The following TRPS1 variants were observed in gnomAD, a reference collection of about 807,000 sequenced individuals.
TRPS1 encodes the protein zinc finger transcription factor Trps1.
TRPS1 carries 6 observed loss-of-function variants against 101.2 expected under a neutral mutation model. The observed-to-expected ratio is 0.06, with a 90% confidence interval of 0.03 to 0.12. The LOEUF (loss-of-function observed/expected upper bound fraction) is 0.12, where lower values mean the gene tolerates loss of function less well. TRPS1 is among the 10% of genes least tolerant of loss of function. TRPS1 has a pLI of 1.00. For missense variants in TRPS1, 1,363 were observed against 1,567.0 expected, an observed-to-expected ratio of 0.87 and a Z score of 2.20; for synonymous variants, 578 against 589.8, an observed-to-expected ratio of 0.98 and a Z score of 0.29.
At chr8:115,646,812 TA>T (rs1819035029) in intron 1 of TRPS1, among the ~76,000 whole-genome samples, 1 of 152,156 alleles carries the variant, frequency 6.6e-6, no homozygotes, top group Admixed American at 6.5e-5. Context: ...CATATTACTT[TA>T]AAAAGAGTTG....
chr8:115,428,932 A>T (rs1421818725), intron 5 of TRPS1, among the ~76,000 whole-genome samples: 1 of 152,222 alleles, frequency 6.6e-6, no homozygotes, highest in Admixed American at 6.5e-5. Context: ...TTGTCTTTAA[A>T]TAAGAGCTCT....
intron 5 of TRPS1, among the ~76,000 whole-genome samples, chr8:115,494,509 G>T (rs1231566565): frequency 1.3e-5 from 2 of 152,162 alleles, no homozygotes; most frequent in Admixed American, 6.5e-5. Flanking sequence ...CTAAGAGAAA[G>T]AATATTTAAA....
chr8:115,449,130 G>A (rs1405305171), intron 5 of TRPS1, among the ~76,000 whole-genome samples: 1 of 152,070 alleles, frequency 6.6e-6, no homozygotes, highest in African/African-American at 2.4e-5. Context: ...ATTACAATAT[G>A]ACTAATTTCC....
intron 5 of TRPS1, among the ~76,000 whole-genome samples, chr8:115,581,910 A>C (rs563039938): frequency 1.1e-4 from 17 of 152,286 alleles, no homozygotes; most frequent in Non-Finnish European, 1.5e-4. Flanking sequence ...AAGCAGAGAC[A>C]TGTACAAGGA....
At chr8:115,590,646 C>T (rs1167298883) in intron 4 of TRPS1, among the ~76,000 whole-genome samples, 3 of 152,150 alleles carry the variant, frequency 2.0e-5, no homozygotes, top group Non-Finnish European at 4.4e-5. Context: ...CACATGTAAG[C>T]GTGTAGACTC....
chr8:115,558,834 C>G (rs1816884350), intron 5 of TRPS1, among the ~76,000 whole-genome samples: 1 of 152,010 alleles, frequency 6.6e-6, no homozygotes, highest in Non-Finnish European at 1.5e-5. Context: ...ACTGCTATAA[C>G]TAGAAATGAT....
intron 5 of TRPS1, among the ~76,000 whole-genome samples, chr8:115,515,873 G>A (rs1283681308): frequency 6.6e-6 from 1 of 151,336 alleles, no homozygotes; most frequent in African/African-American, 2.4e-5. Context: ...ATTCATGACA[G>A]AGTAAAAATA....
intron 5 of TRPS1, among the ~76,000 whole-genome samples, chr8:115,487,198 A>G (rs1380285560): frequency 2.0e-5 from 3 of 152,250 alleles, no homozygotes; most frequent in Non-Finnish European, 2.9e-5. Context: ...ATGACAGCAC[A>G]TCTGTTACAG....
chr8:115,451,662 T>C (rs1036020426), intron 5 of TRPS1, among the ~76,000 whole-genome samples: 6 of 152,198 alleles, frequency 3.9e-5, no homozygotes, highest in African/African-American at 1.4e-4. Context: ...GTCTTTATGC[T>C]GGTGCTTCAA....
intron 5 of TRPS1, among the ~76,000 whole-genome samples, chr8:115,492,493 G>A (rs1346987904): frequency 1.4e-5 from 2 of 147,404 alleles, no homozygotes; most frequent in African/African-American, 2.4e-5. Context: ...GTGCGTGTGC[G>A]TGTTCGTGTG....
At chr8:115,616,099 G>A (rs1167018139) in intron 3 of TRPS1, among the ~76,000 whole-genome samples, 1 of 152,128 alleles carries the variant, frequency 6.6e-6, no homozygotes, top group African/African-American at 2.4e-5. Flanking sequence ...GGTGTTGGGG[G>A]GAGAATCTGA....
chr8:115,414,570 A>G lies in TRPS1; in HGVS notation c.3338T>C (p.Val1113Ala). 6.2e-7 allele frequency: 1 copy of G among 1,613,970 alleles called. No homozygotes were observed. Among genetic ancestry groups the G allele is most frequent in the Non-Finnish European group, 8.5e-7 (1 of 1,179,944 alleles). The change falls in exon 7 of 7, where the codon GTA (valine) becomes GCA (alanine). Residue 1113 changes from valine to alanine, a missense_variant. By Grantham distance (64) the Val-to-Ala change is moderately conservative (BLOSUM62 0). Around this residue, in one of 5 missense-constraint regions of TRPS1, gnomAD observed 307 missense variants for 392.4 expected, o/e 0.78. Transcript: ENST00000395715. This position sits in a 1 kb window ranked among gnomAD's most constrained non-coding sequence, Gnocchi z 4.8. ...AGCTTCACTCTGGAAGTCATTATGTACAAAGGGAAGTCCAAAAAGTGGGTA... is the reference window on the plus strand; with the variant it reads ...AGCTTCACTCTGGAAGTCATTATGTGCAAAGGGAAGTCCAAAAAGTGGGTA... ...YQYPLFGLPF[V>A]HNDFQSEADW... is the part of the protein sequence containing the mutation.
At position 115,533,447 on chromosome 8, in the gene TRPS1, T is replaced by TTTTTTTTTTTTTG. The variant is rs1816196335; in HGVS notation, c.2700+53553_2700+53554insCAAAAAAAAAAAA. On this transcript the variant is annotated intron_variant, in intron 5 of 6. Coordinates refer to ENST00000395715, the MANE Select transcript of TRPS1 (RefSeq NM_014112.5). ...CCCACATGTAATCTGTTTTTTTTTT[T>TTTTTTTTTTTTTG]TTTTTTTTTTTTCCTGAAAAAAATC... 1.5e-5 allele frequency among the ~76,000 whole-genome samples: 2 copies of TTTTTTTTTTTTTG among 131,444 alleles called. 1 individual carries two copies. Among genetic ancestry groups the TTTTTTTTTTTTTG allele is most frequent in the Non-Finnish European group, 3.1e-5 (2 of 63,584 alleles). 86.2% of individuals were successfully genotyped at this position (131,444 alleles called of 152,430 possible). A position where few individuals can be genotyped will look rare whatever the true frequency, so the allele number is the denominator to read the frequency against.
At chr8:115,656,305 G>A (rs987947342) in intron 1 of TRPS1, among the ~76,000 whole-genome samples, 8 of 151,958 alleles carry the variant, frequency 5.3e-5, no homozygotes, top group African/African-American at 1.4e-4. Context: ...AAAAACAGCC[G>A]ACAAAACCAG....
chr8:115,599,652 T>C (rs577919747), intron 4 of TRPS1, among the ~76,000 whole-genome samples: 23 of 152,306 alleles, frequency 1.5e-4, no homozygotes, highest in African/African-American at 5.5e-4. Context: ...TCCATCCATG[T>C]CCCTGCAAAG....
chr8:115,605,059 T>G, intron 3 of TRPS1, 57 bp from the exon 4 acceptor site: 12 of 1,505,044 alleles, frequency 8.0e-6, no homozygotes, highest in Non-Finnish European at 9.2e-6. Context: ...CAATGGGCCC[T>G]CTGCAGGGGA....
At chr8:115,478,167 TC>T (rs1450202646) in intron 5 of TRPS1, among the ~76,000 whole-genome samples, 1 of 152,214 alleles carries the variant, frequency 6.6e-6, no homozygotes, top group Non-Finnish European at 1.5e-5. Flanking sequence ...GCAATTTACA[TC>T]AAAGTACTCA....
chr8:115,558,811 T>G (rs905438774), intron 5 of TRPS1, among the ~76,000 whole-genome samples: 6 of 152,168 alleles, frequency 3.9e-5, no homozygotes, highest in African/African-American at 1.4e-4. Context: ...AGCACCGTGT[T>G]AATGATAAAA....
intron 5 of TRPS1, among the ~76,000 whole-genome samples, chr8:115,431,941 T>C (rs1376028269): frequency 1.3e-5 from 2 of 151,878 alleles, no homozygotes; most frequent in African/African-American, 4.8e-5. Context: ...TATGCATGCA[T>C]TTATAGTTAA....
Sources: gnomAD v4.1 joint callset for allele counts (sites outside exome capture counted in the v4.1 genomes callset) on GRCh38, gnomAD v4.1.1 for gene constraint, gnomAD v4.1.1 regional missense constraint, Gnocchi (gnomAD v3.1) non-coding constraint, MANE v1.5 for transcripts, NCBI Gene and HGNC (gene_info 2026-07-23, HGNC 2026-07-21) for gene names.